FER: variants seen among roughly 807,000 people sequenced by gnomAD.
The protein encoded by FER is tyrosine-protein kinase Fer.
In FER, 63 loss-of-function variants were observed where a neutral mutation model predicts 111.0. That is an observed-to-expected ratio of 0.57 (90% CI 0.46 to 0.70). The LOEUF (loss-of-function observed/expected upper bound fraction) is 0.70, where lower values mean the gene tolerates loss of function less well. Ranked by LOEUF, FER falls within the 30% of genes least tolerant of loss-of-function variation. The pLI is 0.00. For missense variants in FER, 914 were observed against 954.0 expected, an observed-to-expected ratio of 0.96 and a Z score of 0.55; for synonymous variants, 327 against 313.9, an observed-to-expected ratio of 1.04 and a Z score of -0.44.
chr5:109,008,647 C>G (rs1238577933), intron 13 of FER, among the ~76,000 whole-genome samples: 1 of 152,092 alleles, frequency 6.6e-6, no homozygotes, highest in African/African-American at 2.4e-5. Flanking sequence ...TGCGTATTTC[C>G]TTACAGTCTT....
chr5:108,893,857 C>T (rs1260722811), intron 9 of FER, among the ~76,000 whole-genome samples: 1 of 151,918 alleles, frequency 6.6e-6, no homozygotes, highest in Non-Finnish European at 1.5e-5. Context: ...GTGGAGGACT[C>T]CATGAACAGA....
chr5:108,856,394 C>G (rs140684724), intron 5 of FER, among the ~76,000 whole-genome samples: 1 of 152,044 alleles, frequency 6.6e-6, no homozygotes, highest in African/African-American at 2.4e-5. Flanking sequence ...TCTGCTTTTT[C>G]TAGAGATATT....
chr5:108,945,969 A>T (rs575600687), intron 10 of FER, among the ~76,000 whole-genome samples, 161 bp from the exon 11 acceptor site: 1 of 152,070 alleles, frequency 6.6e-6, no homozygotes, highest in Non-Finnish European at 1.5e-5. Flanking sequence ...TATAGAGTTT[A>T]TGTGTATTTG....
intron 3 of FER, among the ~76,000 whole-genome samples, chr5:108,811,794 A>G (rs1580674829): frequency 6.6e-6 from 1 of 152,182 alleles, no homozygotes; most frequent in African/African-American, 2.4e-5. Context: ...CCAAAAACCT[A>G]GAGTTCTGAT....
intron 1 of FER, among the ~76,000 whole-genome samples, chr5:108,749,606 C>G (rs192255435): frequency 6.6e-6 from 1 of 152,342 alleles, no homozygotes; most frequent in Non-Finnish European, 1.5e-5. Context: ...TCCTATCTGT[C>G]ACCTTCTCCC....
chr5:109,003,565 A>G (rs564444887), intron 13 of FER, among the ~76,000 whole-genome samples: 1 of 152,310 alleles, frequency 6.6e-6, no homozygotes, highest in South Asian at 2.1e-4. Flanking sequence ...ATGTATACAT[A>G]TGTAACAAAC....
chr5:108,974,934 A>G (rs908954294), intron 13 of FER, among the ~76,000 whole-genome samples: 3 of 152,214 alleles, frequency 2.0e-5, no homozygotes, highest in Admixed American at 2.0e-4. Flanking sequence ...AAAATAATAA[A>G]TTTGTGTTTA....
chr5:109,007,960 T>C (rs1390408986), intron 13 of FER, among the ~76,000 whole-genome samples: 1 of 152,214 alleles, frequency 6.6e-6, no homozygotes, highest in Non-Finnish European at 1.5e-5. Flanking sequence ...TAATTACTTT[T>C]AGCTACTCTC....
intron 17 of FER, among the ~76,000 whole-genome samples, chr5:109,145,967 A>G (rs922725498): frequency 2.0e-5 from 3 of 151,430 alleles, no homozygotes; most frequent in Non-Finnish European, 4.4e-5. Context: ...TGCATGAATA[A>G]TATAGAGATA....
At chr5:108,889,717 C>T (rs994865475) in intron 9 of FER, among the ~76,000 whole-genome samples, 6 of 151,742 alleles carry the variant, frequency 4.0e-5, no homozygotes, top group African/African-American at 1.2e-4. Flanking sequence ...ATGGATACCC[C>T]GTTTACCGTG....
intron 13 of FER, among the ~76,000 whole-genome samples, chr5:109,005,307 A>G (rs546534868): frequency 6.6e-6 from 1 of 152,034 alleles, no homozygotes; most frequent in Non-Finnish European, 1.5e-5. Context: ...AGATCCAAGC[A>G]GGAGAGAGGA....
chr5:108,820,381 C>T, intron 3 of FER: 1 of 985,336 alleles, frequency 1.0e-6, no homozygotes, highest in Non-Finnish European at 1.2e-6. Context: ...CGATTTACTT[C>T]TGAAGAATAA....
intron 5 of FER, among the ~76,000 whole-genome samples, chr5:108,855,507 G>C (rs1195813758): frequency 1.3e-5 from 2 of 150,448 alleles, no homozygotes; most frequent in Non-Finnish European, 2.9e-5. Context: ...TGTAGTCCCA[G>C]CTACTCGGGA....
chr5:108,859,641 G>A (rs1454679220), intron 5 of FER, among the ~76,000 whole-genome samples: 1 of 152,100 alleles, frequency 6.6e-6, no homozygotes, highest in Non-Finnish European at 1.5e-5. Flanking sequence ...AGGAAATTAT[G>A]GAATGTAGAT....
intron 1 of FER, among the ~76,000 whole-genome samples, chr5:108,766,785 A>G (rs1430261794): frequency 6.6e-6 from 1 of 152,200 alleles, no homozygotes. Flanking sequence ...AAAAAGAAGA[A>G]CTTGGAAGAA....
chr5:109,086,573 C>T (rs1777591028), intron 16 of FER, among the ~76,000 whole-genome samples: 1 of 151,300 alleles, frequency 6.6e-6, no homozygotes, highest in African/African-American at 2.4e-5. Context: ...TTAAATTTGC[C>T]TTTTCCTGCC....
intron 1 of FER, among the ~76,000 whole-genome samples, chr5:108,759,867 A>G (rs973213801): frequency 6.6e-6 from 1 of 152,240 alleles, no homozygotes; most frequent in Non-Finnish European, 1.5e-5. Context: ...GGAAGTTTTC[A>G]ATACATGAAT....
chr5:109,002,705 A>G (rs1188062144), intron 13 of FER, among the ~76,000 whole-genome samples: 2 of 152,152 alleles, frequency 1.3e-5, no homozygotes, highest in Non-Finnish European at 2.9e-5. Context: ...ATGGGAGAAA[A>G]TTTTCACAAC....
chr5:108,831,679 A>G (rs923968248), intron 3 of FER, among the ~76,000 whole-genome samples: 3 of 152,214 alleles, frequency 2.0e-5, no homozygotes, highest in African/African-American at 7.2e-5. Context: ...TTGGCAAGTC[A>G]GATCCTGGCA....
Sources: gnomAD v4.1 joint callset for allele counts (sites outside exome capture counted in the v4.1 genomes callset) on GRCh38, gnomAD v4.1.1 for gene constraint, MANE v1.5 for transcripts, NCBI Gene and HGNC (gene_info 2026-07-23, HGNC 2026-07-21) for gene names.